The following PDE10A variants were observed in gnomAD, a reference collection of about 807,000 sequenced individuals.
PDE10A encodes the protein cAMP and cAMP-inhibited cGMP 3',5'-cyclic phosphodiesterase 10A.
In PDE10A, 39 loss-of-function variants were observed where a neutral mutation model predicts 97.7. The observed-to-expected ratio is 0.40, with a 90% CI of 0.31 to 0.52. The LOEUF is 0.52. PDE10A is among the 20% of genes least tolerant of loss of function. The pLI is 0.56. For synonymous variants in PDE10A, 371 were observed against 376.8 expected (o/e 0.98, Z 0.18); for missense variants, 731 against 1,047.8 (o/e 0.70, Z 4.17).
rs749736669 is a variant in PDE10A, at chr6:165,416,274, T to C, written c.1804A>G (p.Ile602Val). The change falls in exon 12 of 22, where the codon ATT becomes GTT. Residue 602 changes from isoleucine to valine, a missense_variant. Coordinates refer to ENST00000539869, the MANE Select transcript of PDE10A (RefSeq NM_001385079.1). ...FKKTKEIRFS[I>V]EKGIAGQVAR... ...ACTTGGCCAGCAATTCCTTTCTCAA[T>C]TGAAAATCTGCATATGTAAAAGAGA... 10 of 1,606,798 alleles carry C rather than the reference T, an allele frequency of 6.2e-6. No individual in the cohort carries two copies. The highest frequency in any genetic ancestry group is 1.6e-4 in the Middle Eastern group (1 of 6,072).
At chr6:165,596,788 C>T (rs912920497) in intron 1 of PDE10A, among the ~76,000 whole-genome samples, 6 of 152,114 alleles carry the variant, frequency 3.9e-5, no homozygotes, top group African/African-American at 1.2e-4. Flanking sequence ...TTCTTCCTGT[C>T]TTACTCAGAG....
At chr6:165,369,482 A>G (rs1350585809) in intron 18 of PDE10A, among the ~76,000 whole-genome samples, 3 of 145,704 alleles carry the variant, frequency 2.1e-5, no homozygotes, top group Non-Finnish European at 4.5e-5. Flanking sequence ...GGTATCAGCA[A>G]TGGAAGATGA....
At chr6:165,980,473 A>T (rs1428367975) in intron 1 of PDE10A, among the ~76,000 whole-genome samples, 2 of 152,350 alleles carry the variant, frequency 1.3e-5, no homozygotes, top group South Asian at 2.1e-4. Context: ...ATTATGGCAC[A>T]TTGTACCACG....
At chr6:165,628,580 G>A (rs978975398) in intron 1 of PDE10A, among the ~76,000 whole-genome samples, 1 of 145,602 alleles carries the variant, frequency 6.9e-6, no homozygotes, top group African/African-American at 2.8e-5. Flanking sequence ...CTCGCCTCAA[G>A]TGATTCTCTT....
chr6:165,543,297 T>G (rs1484835719), intron 2 of PDE10A, 143 bp downstream of exon 2: 1 of 530,794 alleles, frequency 1.9e-6, no homozygotes, highest in Non-Finnish European at 2.9e-6. Context: ...TACTTTATCT[T>G]TTTAAATGGA....
intron 1 of PDE10A, among the ~76,000 whole-genome samples, chr6:165,725,599 G>A (rs1792273352): frequency 2.0e-5 from 3 of 151,812 alleles, no homozygotes; most frequent in South Asian, 2.1e-4. Context: ...GGGGAGGCCC[G>A]TGGAGTCAGA....
At chr6:165,636,902 G>A (rs890526504) in intron 1 of PDE10A, among the ~76,000 whole-genome samples, 1 of 152,092 alleles carries the variant, frequency 6.6e-6, no homozygotes, top group Non-Finnish European at 1.5e-5. Context: ...GTAAAATAAA[G>A]GGATCTCAAT....
chr6:165,597,543 T>C (rs1377193961), intron 1 of PDE10A, among the ~76,000 whole-genome samples: 1 of 152,218 alleles, frequency 6.6e-6, no homozygotes, highest in East Asian at 1.9e-4. Context: ...AAGTGACATA[T>C]GTATGATATT....
intron 1 of PDE10A, among the ~76,000 whole-genome samples, chr6:165,889,148 T>A (rs2128481839): frequency 6.6e-6 from 1 of 152,302 alleles, no homozygotes; most frequent in East Asian, 1.9e-4. Context: ...ACCATGGTAG[T>A]AACTAATATT....
intron 21 of PDE10A, 71 bp from the exon 22 acceptor site, chr6:165,333,198 C>T: frequency 1.1e-6 from 1 of 942,610 alleles, no homozygotes; most frequent in Non-Finnish European, 1.7e-6. Flanking sequence ...GAAAACTAAC[C>T]AAACAGTCCT....
At chr6:165,971,211 A>AT (rs1184904005) in intron 1 of PDE10A, among the ~76,000 whole-genome samples, 4 of 152,072 alleles carry the variant, frequency 2.6e-5, no homozygotes, top group African/African-American at 4.8e-5. Context: ...TCACTGTTAA[A>AT]TTTTTTTTAA....
At chr6:165,639,439 A>AT (rs1317579603) in intron 1 of PDE10A, among the ~76,000 whole-genome samples, 1 of 152,152 alleles carries the variant, frequency 6.6e-6, no homozygotes, top group Non-Finnish European at 1.5e-5. Flanking sequence ...AAAAATCAAG[A>AT]TAAAAAATGA....
intron 1 of PDE10A, among the ~76,000 whole-genome samples, chr6:165,626,750 G>A (rs900163967): frequency 7.9e-5 from 12 of 151,994 alleles, no homozygotes; most frequent in South Asian, 4.1e-4. Flanking sequence ...AGGGGAAAGC[G>A]AGGTGGGGCG....
chr6:165,932,380 G>T (rs1783165295), intron 1 of PDE10A, among the ~76,000 whole-genome samples: 1 of 151,934 alleles, frequency 6.6e-6, no homozygotes, highest in Non-Finnish European at 1.5e-5. Context: ...TCATTGCCCA[G>T]GCTGGAGTGT....
At chr6:165,875,468 A>G (rs745857644) in intron 1 of PDE10A, among the ~76,000 whole-genome samples, 1 of 152,204 alleles carries the variant, frequency 6.6e-6, no homozygotes, top group African/African-American at 2.4e-5. Context: ...CAGATATTTT[A>G]AGCACTTCAG....
At chr6:165,544,490 C>T (rs1344316882) in intron 1 of PDE10A, among the ~76,000 whole-genome samples, 2 of 151,532 alleles carry the variant, frequency 1.3e-5, no homozygotes, top group Non-Finnish European at 2.9e-5. Flanking sequence ...GAATAATTAT[C>T]CTTCAGTGAC....
chr6:165,374,379 T>C (rs1245255174), intron 18 of PDE10A, among the ~76,000 whole-genome samples: 2 of 151,964 alleles, frequency 1.3e-5, no homozygotes, highest in Non-Finnish European at 2.9e-5. Flanking sequence ...AATAAGTTTT[T>C]TGAAAATCTA....
chr6:165,786,617 G>T (rs1778503671), intron 1 of PDE10A, among the ~76,000 whole-genome samples: 1 of 152,154 alleles, frequency 6.6e-6, no homozygotes, highest in Non-Finnish European at 1.5e-5. Context: ...TTGCATTAAT[G>T]AGGCTGATGA....
chr6:165,744,242 C>G (rs1792794840), intron 1 of PDE10A, among the ~76,000 whole-genome samples: 1 of 152,140 alleles, frequency 6.6e-6, no homozygotes, highest in South Asian at 2.1e-4. Context: ...ATGGAGCCAA[C>G]AGCATAAAAC....
Sources: allele counts gnomAD v4.1 joint callset (sites outside exome capture counted in the v4.1 genomes callset), GRCh38; gene constraint gnomAD v4.1.1; transcripts MANE v1.5; gene names NCBI Gene and HGNC (gene_info 2026-07-23, HGNC 2026-07-21).